THADA: variants seen among roughly 807,000 people sequenced by gnomAD.
THADA encodes the protein THADA armadillo repeat containing, also known as tRNA (32-2'-O)-methyltransferase regulator THADA.
In THADA, 213 loss-of-function variants were observed where a neutral mutation model predicts 219.8. The observed-to-expected ratio is 0.97, with a 90% CI of 0.87 to 1.09. The LOEUF is 1.09. THADA is among the 50% of genes least tolerant of loss of function. The probability of loss-of-function intolerance (pLI) is 0.00; values close to 1 mark genes in which losing one functional copy is unlikely to be tolerated. For missense variants in THADA, 2,956 were observed against 2,311.3 expected, an observed-to-expected ratio of 1.28 and a Z score of -5.72; for synonymous variants, 1,018 against 828.9, an observed-to-expected ratio of 1.23 and a Z score of -3.92.
At chr2:43,459,489 G>A (rs1011977946) in intron 26 of THADA, among the ~76,000 whole-genome samples, 3 of 152,088 alleles carry the variant, frequency 2.0e-5, no homozygotes, top group Non-Finnish European at 4.4e-5. Context: ...ACTGAATGAG[G>A]CAAATACCCA....
At chr2:43,595,045 C>G (rs527626104) in intron 1 of THADA, among the ~76,000 whole-genome samples, 6 of 152,230 alleles carry the variant, frequency 3.9e-5, no homozygotes, top group African/African-American at 1.4e-4. Flanking sequence ...TGTTTCAAGT[C>G]TCAATTTCCA....
At chr2:43,305,818 G>A (rs979988445) in intron 31 of THADA, among the ~76,000 whole-genome samples, 3 of 152,136 alleles carry the variant, frequency 2.0e-5, no homozygotes, top group African/African-American at 7.2e-5. Context: ...CAGAACTACT[G>A]TGGATAAACA....
intron 36 of THADA, among the ~76,000 whole-genome samples, chr2:43,241,115 AGGG>A (rs1390613285): frequency 2.6e-5 from 4 of 151,990 alleles, no homozygotes; most frequent in Non-Finnish European, 4.4e-5. Flanking sequence ...TTTTTGAGAC[AGGG>A]TCTCACTCTG....
At chr2:43,487,375 C>A (rs1687040730) in intron 25 of THADA, among the ~76,000 whole-genome samples, 1 of 152,184 alleles carries the variant, frequency 6.6e-6, no homozygotes, top group African/African-American at 2.4e-5. Context: ...AAAATTAAAA[C>A]AGGAGTGCCT....
At chr2:43,439,646 T>C (rs1004032042) in intron 26 of THADA, among the ~76,000 whole-genome samples, 1 of 152,236 alleles carries the variant, frequency 6.6e-6, no homozygotes, top group African/African-American at 2.4e-5. Flanking sequence ...TATTAGTTAT[T>C]GTTGTTAATC....
At chr2:43,237,397 A>ATTTTTTT (rs70963388) in intron 36 of THADA, among the ~76,000 whole-genome samples, 1 of 132,264 alleles carries the variant, frequency 7.6e-6, no homozygotes. Context: ...AACTCATTTG[A>ATTTTTTT]TTTTTTTTTT....
chr2:43,560,093 G>A (rs768326399), intron 16 of THADA, 141 bp downstream of exon 16: 2 of 611,562 alleles, frequency 3.3e-6, no homozygotes, highest in Non-Finnish European at 5.3e-6. Context: ...ATAGTAGAGA[G>A]GTGTTAATGA....
At chr2:43,525,830 G>C (rs1253550859) in intron 22 of THADA, among the ~76,000 whole-genome samples, 1 of 152,168 alleles carries the variant, frequency 6.6e-6, no homozygotes, top group African/African-American at 2.4e-5. Context: ...GGGGACAAAA[G>C]TTAACTAAAA....
chr2:43,428,305 T>A, intron 27 of THADA, 74 bp from the exon 28 acceptor site: 2 of 1,424,250 alleles, frequency 1.4e-6, no homozygotes, highest in Non-Finnish European at 1.9e-6. Flanking sequence ...AACATTTTTC[T>A]CATGAAATAA....
intron 26 of THADA, among the ~76,000 whole-genome samples, chr2:43,475,562 C>CA (rs2104978921): frequency 6.6e-6 from 1 of 150,490 alleles, no homozygotes; most frequent in African/African-American, 2.4e-5. Flanking sequence ...ACAATGTTAA[C>CA]ATTCTGTTAG....
At chr2:43,421,797 T>A (rs1472459274) in intron 28 of THADA, among the ~76,000 whole-genome samples, 1 of 152,244 alleles carries the variant, frequency 6.6e-6, no homozygotes, top group Non-Finnish European at 1.5e-5. Flanking sequence ...AGAAGTTACT[T>A]AAATGCTAAA....
chr2:43,341,017 G>A lies in THADA; in HGVS notation c.4343+3105C>T, dbSNP rs1212339976. On this transcript the variant is annotated intron_variant, in intron 30 of 37. Transcript: ENST00000405975. Reference sequence around the variant, plus strand: ...CTCAAAGTTATCCTGTCAATGATGTGGATAATATAGAAAAACTGATACATA... The same window carrying A: ...CTCAAAGTTATCCTGTCAATGATGTAGATAATATAGAAAAACTGATACATA... Among the ~76,000 whole-genome samples the A allele has an allele frequency of 5.9e-5, 9 of 152,282 alleles. No homozygotes were observed. In the East Asian group the frequency reaches 1.7e-3, roughly 29 times the overall value.
At chr2:43,446,575 G>C (rs538736186) in intron 26 of THADA, among the ~76,000 whole-genome samples, 10 of 152,322 alleles carry the variant, frequency 6.6e-5, no homozygotes, top group African/African-American at 2.2e-4. Context: ...GCAGCCACCT[G>C]AGTGATCCCA....
intron 28 of THADA, among the ~76,000 whole-genome samples, chr2:43,421,551 A>T (rs1292775274): frequency 6.6e-6 from 1 of 152,206 alleles, no homozygotes; most frequent in East Asian, 1.9e-4. Flanking sequence ...ATACTTTGGG[A>T]AATTGGGACA....
intron 26 of THADA, among the ~76,000 whole-genome samples, chr2:43,458,385 T>G (rs894442221): frequency 6.6e-6 from 1 of 152,192 alleles, no homozygotes; most frequent in Non-Finnish European, 1.5e-5. Flanking sequence ...CATTGTGCTA[T>G]TCATCAGATA....
chr2:43,507,393 T>C (rs1012398461), intron 23 of THADA, among the ~76,000 whole-genome samples: 2 of 152,164 alleles, frequency 1.3e-5, no homozygotes, highest in African/African-American at 4.8e-5. Context: ...GAGACCTTGA[T>C]CCTGTCTTAA....
chr2:43,515,173 ATATATT>A (rs1691376263), intron 22 of THADA, among the ~76,000 whole-genome samples: 1 of 27,858 alleles, frequency 3.6e-5, no homozygotes, highest in African/African-American at 1.3e-4. Context: ...ATAATATATT[ATATATT>A]ATATATAATA....
At chr2:43,239,607 C>T (rs539337482) in intron 36 of THADA, among the ~76,000 whole-genome samples, 2 of 152,324 alleles carry the variant, frequency 1.3e-5, no homozygotes, top group East Asian at 1.9e-4. Context: ...ATTAAAAAGC[C>T]CATGGTCTGA....
chr2:43,397,216 C>T (rs1674171716), intron 29 of THADA, among the ~76,000 whole-genome samples: 1 of 152,086 alleles, frequency 6.6e-6, no homozygotes, highest in African/African-American at 2.4e-5. Context: ...ATTGAGATCT[C>T]AAGGCCATCT....
Sources: allele counts gnomAD v4.1 joint callset (sites outside exome capture counted in the v4.1 genomes callset), GRCh38; gene constraint gnomAD v4.1.1; transcripts MANE v1.5; gene names NCBI Gene and HGNC (gene_info 2026-07-23, HGNC 2026-07-21).